The following FHIT variants were observed in gnomAD, a reference collection of about 807,000 sequenced individuals.
FHIT encodes fragile histidine triad diadenosine triphosphatase.
FHIT carries 19 observed loss-of-function variants against 17.9 expected under a neutral mutation model. That is an observed-to-expected ratio of 1.06 (90% CI 0.74 to 1.56). The LOEUF (loss-of-function observed/expected upper bound fraction) is 1.56, where lower values mean the gene tolerates loss of function less well. Among genes scored for constraint, FHIT ranks in the 40% most tolerant of loss-of-function variants. The probability of loss-of-function intolerance (pLI) is 0.00; values close to 1 mark genes in which losing one functional copy is unlikely to be tolerated. For missense variants in FHIT, 248 were observed against 189.2 expected (o/e 1.31, Z -1.82); for synonymous variants, 81 against 69.7 (o/e 1.16, Z -0.81).
chr3:60,028,996 G>C (rs1178089229), intron 5 of FHIT, among the ~76,000 whole-genome samples: 1 of 152,114 alleles, frequency 6.6e-6, no homozygotes, highest in African/African-American at 2.4e-5. Context: ...TTAGTTGCAG[G>C]ATAAGAAAAA....
At chr3:61,004,461 T>C (rs925755443) in intron 3 of FHIT, among the ~76,000 whole-genome samples, 12 of 152,182 alleles carry the variant, frequency 7.9e-5, no homozygotes, top group Admixed American at 3.3e-4. Flanking sequence ...CTTTGGGTAG[T>C]ATGTAGGAAA....
At chr3:59,863,759 C>T (rs1017553913) in intron 8 of FHIT, among the ~76,000 whole-genome samples, 2 of 152,204 alleles carry the variant, frequency 1.3e-5, no homozygotes, top group African/African-American at 4.8e-5. Flanking sequence ...AAAGGTGCTC[C>T]TTCTTCCAGG....
At chr3:61,104,705 A>G (rs574316838) in intron 2 of FHIT, among the ~76,000 whole-genome samples, 1 of 152,304 alleles carries the variant, frequency 6.6e-6, no homozygotes, top group East Asian at 1.9e-4. Context: ...CAGAGATACC[A>G]AAGAATCACA....
chr3:60,844,738 C>A (rs1258670444), intron 3 of FHIT, among the ~76,000 whole-genome samples: 1 of 152,026 alleles, frequency 6.6e-6, no homozygotes, highest in Non-Finnish European at 1.5e-5. Context: ...TTTCTGAATC[C>A]CTTTCAAATC....
intron 5 of FHIT, among the ~76,000 whole-genome samples, chr3:60,166,303 G>C (rs1023800115): frequency 6.6e-6 from 1 of 152,240 alleles, no homozygotes; most frequent in African/African-American, 2.4e-5. Flanking sequence ...TGCATCCAAA[G>C]GGTTCAGAAT....
chr3:60,390,379 T>C (rs1701171884), intron 5 of FHIT, among the ~76,000 whole-genome samples: 1 of 125,702 alleles, frequency 8.0e-6, no homozygotes, highest in African/African-American at 3.4e-5. Flanking sequence ...AGTGGTCCCT[T>C]AAGATTGTAA....
intron 5 of FHIT, among the ~76,000 whole-genome samples, chr3:60,265,361 G>A (rs1706518060): frequency 6.7e-6 from 1 of 150,208 alleles, no homozygotes; most frequent in Non-Finnish European, 1.5e-5. Flanking sequence ...TTGGACAAGT[G>A]GATATCTACA....
At chr3:60,299,981 C>A (rs556015212) in intron 5 of FHIT, among the ~76,000 whole-genome samples, 1 of 152,218 alleles carries the variant, frequency 6.6e-6, no homozygotes, top group East Asian at 1.9e-4. Context: ...TTCGCTGTAA[C>A]CTTTCCTTTT....
At position 60,937,744 on chromosome 3, in the gene FHIT, A is replaced by G. The variant is rs550530386; in HGVS notation, c.-111+104303T>C. ...ATGCCCAGCTAATTTTTGTATTTTT[A>G]GTAGAGATGGGGTTTCACCACATTG... On this transcript the variant is annotated intron_variant, in intron 3 of 9. Coordinates refer to ENST00000492590, the MANE Select transcript of FHIT (RefSeq NM_002012.4). Among the ~76,000 whole-genome samples, 8 of 151,808 alleles carry G rather than the reference A, an allele frequency of 5.3e-5. No individual in the cohort carries two copies. In the East Asian group the frequency reaches 1.6e-3, roughly 30 times the overall value.
intron 5 of FHIT, among the ~76,000 whole-genome samples, chr3:60,119,043 T>TG (rs144084033): frequency 1.3e-5 from 2 of 151,146 alleles, no homozygotes; most frequent in Non-Finnish European, 1.5e-5. Context: ...AAAAAAAACN[T>TG]CAGGGTCATT....
intron 1 of FHIT, among the ~76,000 whole-genome samples, chr3:61,220,176 G>T (rs755237026): frequency 1.2e-4 from 18 of 152,166 alleles, no homozygotes; most frequent in Non-Finnish European, 2.1e-4. Context: ...TCAGTGAGCT[G>T]TTACTGCAGA....
intron 2 of FHIT, among the ~76,000 whole-genome samples, chr3:61,148,985 G>A (rs1353479528): frequency 1.3e-5 from 2 of 152,116 alleles, no homozygotes; most frequent in East Asian, 1.9e-4. Flanking sequence ...ATTCTCAAAG[G>A]CATAAAGTTT....
In FHIT at chr3:60,083,839, G is replaced by A. The variant is rs548219553; in HGVS notation, c.104-69687C>T. On this transcript the variant is annotated intron_variant, in intron 5 of 9. Coordinates refer to ENST00000492590, the MANE Select transcript of FHIT (RefSeq NM_002012.4). ...ATAGTGGGCCAAATTTAGCCTGCAG[G>A]CTCTTGTTTGCCAACCCCAGCTCAA... Among the ~76,000 whole-genome samples the A allele has an allele frequency of 2.6e-5, 4 of 152,298 alleles. No individual in the cohort carries two copies. In the South Asian group the frequency reaches 8.3e-4, roughly 32 times the overall value.
At chr3:61,176,991 C>T (rs984264305) in intron 2 of FHIT, among the ~76,000 whole-genome samples, 9 of 152,164 alleles carry the variant, frequency 5.9e-5, no homozygotes, top group Admixed American at 2.6e-4. Context: ...CTGGCTAACA[C>T]GGTGAAACCC....
intron 3 of FHIT, among the ~76,000 whole-genome samples, chr3:60,896,099 G>T (rs567596459): frequency 1.3e-5 from 2 of 151,962 alleles, no homozygotes; most frequent in Non-Finnish European, 2.9e-5. Context: ...TGTGAACTGC[G>T]CATACTCATT....
chr3:59,846,440 G>T (rs1363756735), intron 8 of FHIT, among the ~76,000 whole-genome samples: 2 of 151,854 alleles, frequency 1.3e-5, no homozygotes, highest in East Asian at 3.9e-4. Flanking sequence ...TATATATCTT[G>T]ACTTCCTCAA....
At chr3:60,460,170 A>C (rs1022513746) in intron 5 of FHIT, among the ~76,000 whole-genome samples, 1 of 152,204 alleles carries the variant, frequency 6.6e-6, no homozygotes, top group Non-Finnish European at 1.5e-5. Context: ...CTTGTCTTGA[A>C]CTTTCCTCAC....
chr3:60,344,834 T>C (rs1710695697), intron 5 of FHIT, among the ~76,000 whole-genome samples: 1 of 152,092 alleles, frequency 6.6e-6, no homozygotes, highest in South Asian at 2.1e-4. Flanking sequence ...AGAATTTTAT[T>C]AGCCAAGATA....
chr3:60,009,341 A>G (rs913189290), intron 7 of FHIT, among the ~76,000 whole-genome samples: 14 of 152,110 alleles, frequency 9.2e-5, no homozygotes, highest in Non-Finnish European at 7.3e-5. Flanking sequence ...AGATGTGCAA[A>G]ACAGCATAAC....
Sources: gnomAD v4.1 joint callset for allele counts (sites outside exome capture counted in the v4.1 genomes callset) on GRCh38, gnomAD v4.1.1 for gene constraint, MANE v1.5 for transcripts, NCBI Gene and HGNC (gene_info 2026-07-23, HGNC 2026-07-21) for gene names.